TCF7: variants seen among roughly 807,000 people sequenced by gnomAD.
TCF7 encodes transcription factor 7, also known as T-cell-factor-7.
A neutral mutation model predicts 46.8 loss-of-function variants in TCF7; 19 were observed. The ratio of observed to expected loss-of-function variants is 0.41; its 90% CI spans 0.28 to 0.60. TCF7 has a LOEUF of 0.60. Ranked by LOEUF, TCF7 falls within the 20% of genes least tolerant of loss-of-function variation. The pLI, the probability that TCF7 is intolerant of heterozygous loss-of-function variation, is 0.35. For synonymous variants in TCF7, 245 were observed against 213.4 expected, an observed-to-expected ratio of 1.15 and a Z score of -1.29; for missense variants, 547 against 504.6, an observed-to-expected ratio of 1.08 and a Z score of -0.81.
upstream of TCF7, chr5:134,114,677 C>A (rs1206757883): frequency 5.6e-6 from 1 of 177,632 alleles, no homozygotes; most frequent in Non-Finnish European, 1.1e-5. Flanking sequence ...GCCCCGCCCC[C>A]GGCACTCGGC....
intron 3 of TCF7, among the ~76,000 whole-genome samples, chr5:134,125,869 T>A (rs1400080905): frequency 6.6e-6 from 1 of 152,230 alleles, no homozygotes; most frequent in Non-Finnish European, 1.5e-5. Flanking sequence ...GCCTCTGAGC[T>A]GCTAGGGTTG....
Position 134,138,178 on chromosome 5 carries a change from A to G in TCF7, c.547+14A>G. The G allele has an allele frequency of 6.2e-7, 1 of 1,609,708 alleles. No homozygotes were observed. The highest frequency in any genetic ancestry group is 1.1e-5 in the South Asian group (1 of 90,818). On this transcript the variant is annotated intron_variant, in intron 4 of 9. Transcript: ENST00000342854. ...GCCAGAAGCAAGGTACAAGCCTGGGATGGGGAGGGGCCCAGTGAAACCAGA... is the reference window on the plus strand; with the variant it reads ...GCCAGAAGCAAGGTACAAGCCTGGGGTGGGGAGGGGCCCAGTGAAACCAGA...
rs149140230 is a variant in TCF7 at position 134,142,265 on chromosome 5, C to T, written c.716C>T (p.Pro239Leu). 11 of 1,603,358 alleles carry T rather than the reference C, an allele frequency of 6.9e-6. No individual in the cohort carries two copies. Among genetic ancestry groups the T allele is most frequent in the Admixed American group, 1.7e-5 (1 of 58,820 alleles). The change falls in exon 6 of 10, where the codon CCC becomes CTC. Residue 239 changes from proline to leucine, a missense_variant. Pro to Leu is a moderately conservative substitution (Grantham distance 98, BLOSUM62 -3). Transcript: ENST00000342854. Reference sequence around the variant, plus strand: ...ATCCCCCACCCGGCCATTGTGCCCCCCTCAGGGAAGCAGGAGCTGCAGCCC... The same window carrying T: ...ATCCCCCACCCGGCCATTGTGCCCCTCTCAGGGAAGCAGGAGCTGCAGCCC... ...AAIPHPAIVP[P>L]SGKQELQPFD...
chr5:134,144,548 C>G (rs1197228921), intron 9 of TCF7: 7 of 512,424 alleles, frequency 1.4e-5, no homozygotes, highest in Non-Finnish European at 2.1e-5. Context: ...ACAGGACTCC[C>G]TCCCTCCCAT....
rs1755570944 is a variant in TCF7 at position 134,114,836 on chromosome 5, C to T, written c.-71C>T. 5.1e-6 allele frequency: 5 copies of T among 979,986 alleles called. No individual in the cohort carries two copies. The highest frequency in any genetic ancestry group is 4.8e-6 in the Non-Finnish European group (4 of 827,532). 60.7% of individuals were successfully genotyped at this position (979,986 alleles called of 1,614,324 possible). ...GGAGGTTCGGACTCCGGGCTCGCCGCCCCCCGGGCCGGCTCCGCGCCCCGC... is the reference window on the plus strand; with the variant it reads ...GGAGGTTCGGACTCCGGGCTCGCCGTCCCCCGGGCCGGCTCCGCGCCCCGC... On this transcript the variant is annotated 5_prime_UTR_variant, in exon 1 of 10. Transcript: ENST00000342854.
upstream of TCF7, among the ~76,000 whole-genome samples, chr5:134,110,768 T>C (rs957041840): frequency 6.6e-6 from 1 of 152,180 alleles, no homozygotes; most frequent in African/African-American, 2.4e-5. Flanking sequence ...CTTTGAGACG[T>C]TTTCTGGAAA....
intron 9 of TCF7, chr5:134,145,026 A>G (rs1760478879): frequency 1.0e-5 from 7 of 685,512 alleles, no homozygotes; most frequent in Admixed American, 8.8e-5. Flanking sequence ...AGTAGTAAAT[A>G]CTGAACACAG....
chr5:134,129,577 T>A (rs1030155096), intron 3 of TCF7, among the ~76,000 whole-genome samples: 1 of 152,196 alleles, frequency 6.6e-6, no homozygotes, highest in African/African-American at 2.4e-5. Flanking sequence ...AAGCTTATAT[T>A]TTCCTCTAAA....
intron 9 of TCF7, chr5:134,145,539 C>G (rs940973142): frequency 4.4e-5 from 27 of 616,644 alleles, no homozygotes; most frequent in Non-Finnish European, 6.9e-5. Context: ...CAGGCCAGGC[C>G]TGGCAGGGCT....
intron 9 of TCF7, chr5:134,145,000 C>T: frequency 5.0e-6 from 4 of 792,196 alleles, no homozygotes; most frequent in South Asian, 1.5e-5. Flanking sequence ...ATTGGGAGCC[C>T]AGGCCTCCTG....
intron 5 of TCF7, chr5:134,141,914 C>T (rs1329150240): frequency 4.0e-5 from 13 of 322,020 alleles, no homozygotes; most frequent in South Asian, 2.4e-4. Flanking sequence ...AGGGGAAGGA[C>T]GTGAGAAGGG....
In TCF7 at chr5:134,138,094, ACTCTCT is replaced by A. The variant is rs760546259; in HGVS notation, c.482_487del (p.Ser161_Leu162del). 1.2e-6 allele frequency: 2 copies of A among 1,609,436 alleles called. No homozygotes were observed. The highest frequency in any genetic ancestry group is 1.7e-5 in the Admixed American group (1 of 59,436). ...ATCAGCCCCCCCACGGTGTCCCCCA[ACTCTCT>A]CTCTACGAACATTTCAACAGCCCAC... is the stretch of plus-strand genomic sequence containing the variant. On this transcript the variant is annotated inframe_deletion, in exon 4 of 10. Transcript: ENST00000342854.
At chr5:134,122,680 CT>C (rs1345718676) in intron 3 of TCF7, among the ~76,000 whole-genome samples, 2 of 152,226 alleles carry the variant, frequency 1.3e-5, no homozygotes, top group Admixed American at 1.3e-4. Flanking sequence ...CGCAGCCCCC[CT>C]GAGCCTCTGC....
the TCF7 span, among the ~76,000 whole-genome samples, chr5:134,109,177 C>T: frequency 6.6e-6 from 1 of 152,142 alleles, no homozygotes; most frequent in African/African-American, 2.4e-5. Context: ...TTCTGAGCAC[C>T]GCAGGTTGCC....
In TCF7 at chr5:134,114,751, C is replaced by T; in HGVS notation, c.-156C>T. On this transcript the variant is annotated 5_prime_UTR_variant, in exon 1 of 10. Coordinates refer to ENST00000342854, the MANE Select transcript of TCF7 (RefSeq NM_003202.5). ...AGCCGCTCTGCCCCGCGCCCTAGCCCGCGCCTGCAGCCCGCCCAGGCGGAG... is the reference window on the plus strand; with the variant it reads ...AGCCGCTCTGCCCCGCGCCCTAGCCTGCGCCTGCAGCCCGCCCAGGCGGAG... The T allele has an allele frequency of 5.3e-6, 4 of 748,146 alleles. No homozygotes were observed. Among genetic ancestry groups the T allele is most frequent in the Non-Finnish European group, 6.5e-6 (4 of 614,892 alleles). 46.3% of individuals were successfully genotyped at this position (748,146 alleles called of 1,614,324 possible). A position where few individuals can be genotyped will look rare whatever the true frequency, so the allele number is the denominator to read the frequency against.
chr5:134,133,191 G>C (rs991175818), intron 3 of TCF7, among the ~76,000 whole-genome samples: 6 of 152,200 alleles, frequency 3.9e-5, no homozygotes, highest in Non-Finnish European at 7.4e-5. Context: ...TCTGGGGTTT[G>C]CTGATCAAGC....
intron 6 of TCF7, 101 bp from the exon 7 acceptor site, chr5:134,142,620 A>C: frequency 6.9e-7 from 1 of 1,454,048 alleles, no homozygotes; most frequent in Non-Finnish European, 9.2e-7. Flanking sequence ...AAACTCTGGT[A>C]TCATACACTT....
chr5:134,143,349 G>T (rs773982379), intron 8 of TCF7: 1 of 780,098 alleles, frequency 1.3e-6, no homozygotes, highest in South Asian at 1.4e-5. Context: ...GGCAGAAGGG[G>T]AGAAAGGGGT....
intron 3 of TCF7, among the ~76,000 whole-genome samples, chr5:134,134,477 C>T (rs1400445452): frequency 6.6e-6 from 1 of 152,220 alleles, no homozygotes; most frequent in African/African-American, 2.4e-5. Context: ...GCTCAGTCTC[C>T]GTGCCCTCAG....
Sources: allele counts gnomAD v4.1 joint callset (sites outside exome capture counted in the v4.1 genomes callset), GRCh38; gene constraint gnomAD v4.1.1; transcripts MANE v1.5; gene names NCBI Gene and HGNC (gene_info 2026-07-23, HGNC 2026-07-21).